The following CEP85 variants were observed in gnomAD, a reference collection of about 807,000 sequenced individuals.
CEP85 encodes centrosomal protein of 85 kDa.
In CEP85, 58 loss-of-function variants were observed where a neutral mutation model predicts 93.7. The observed-to-expected ratio is 0.62, with a 90% CI of 0.50 to 0.77. CEP85 has a LOEUF of 0.77. Among genes scored for constraint, CEP85 ranks in the 30% least tolerant of loss-of-function variants. CEP85 has a pLI of 0.00. For missense variants in CEP85, 868 were observed against 922.0 expected (o/e 0.94, Z 0.76); for synonymous variants, 314 against 338.6 (o/e 0.93, Z 0.80).
chr1:26,249,953 A>G (rs114432336), intron 3 of CEP85, among the ~76,000 whole-genome samples: 2,097 of 152,242 alleles, frequency 0.014, 48 homozygotes, highest in African/African-American at 0.048. Flanking sequence ...ATCATAGTGT[A>G]CTATAGCCAT....
At chr1:26,244,665 T>G (rs1235893873) in intron 3 of CEP85, among the ~76,000 whole-genome samples, 1 of 152,040 alleles carries the variant, frequency 6.6e-6, no homozygotes, top group Non-Finnish European at 1.5e-5. Context: ...AGACTGCAGG[T>G]ATGCACCACC....
intron 2 of CEP85, among the ~76,000 whole-genome samples, chr1:26,240,175 T>G (rs1351334947): frequency 2.6e-5 from 4 of 152,186 alleles, no homozygotes; most frequent in Non-Finnish European, 5.9e-5. Flanking sequence ...GGTGGGTCAG[T>G]CATCTGCTAG....
chr1:26,240,397 A>G (rs2089403171), intron 2 of CEP85, among the ~76,000 whole-genome samples: 1 of 152,182 alleles, frequency 6.6e-6, no homozygotes, highest in Non-Finnish European at 1.5e-5. Flanking sequence ...CTGATATAAA[A>G]TGGTGTGGTA....
chr1:26,262,485 AAAAAC>A (rs1016028575), intron 7 of CEP85, among the ~76,000 whole-genome samples: 18 of 152,024 alleles, frequency 1.2e-4, no homozygotes, highest in African/African-American at 9.7e-5. Flanking sequence ...CTGTCTCAAA[AAAAAC>A]AAAACAAAAC....
intron 6 of CEP85, among the ~76,000 whole-genome samples, chr1:26,258,627 T>A (rs2089757951): frequency 6.6e-6 from 1 of 151,856 alleles, no homozygotes; most frequent in Admixed American, 6.6e-5. Flanking sequence ...TTTTTTCCCC[T>A]GCTCTGTCAC....
intron 8 of CEP85, chr1:26,269,245 G>A (rs550529974): frequency 2.3e-5 from 13 of 554,476 alleles, no homozygotes; most frequent in East Asian, 6.1e-5. Context: ...GACTACCTGC[G>A]TCAGAAATAA....
chr1:26,248,917 G>A (rs934975113), intron 3 of CEP85, among the ~76,000 whole-genome samples: 6 of 151,762 alleles, frequency 4.0e-5, no homozygotes, highest in South Asian at 2.1e-4. Context: ...TAGTAGAGAC[G>A]GGGTTTCACC....
chr1:26,275,231 T>C (rs1296674371), intron 12 of CEP85, among the ~76,000 whole-genome samples, 160 bp downstream of exon 12: 1 of 151,922 alleles, frequency 6.6e-6, no homozygotes, highest in Non-Finnish European at 1.5e-5. Context: ...TCATTCTTTA[T>C]ATTACAGACC....
At chr1:26,239,710 G>A (rs986516915) in intron 1 of CEP85, 52 bp from the exon 2 acceptor site, 20 of 1,096,882 alleles carry the variant, frequency 1.8e-5, no homozygotes, top group African/African-American at 6.2e-5. Flanking sequence ...ACTGAGTTGC[G>A]GGGAATTAAA....
At chr1:26,259,588 C>CAGTT in intron 6 of CEP85, 29 bp from the exon 7 acceptor site, 1 of 1,575,858 alleles carries the variant, frequency 6.3e-7, no homozygotes, top group Non-Finnish European at 8.6e-7. Flanking sequence ...GGGTAGAGAA[C>CAGTT]AGTTACATAT....
chr1:26,272,909 G>A (rs1244075976), intron 11 of CEP85, among the ~76,000 whole-genome samples: 2 of 152,088 alleles, frequency 1.3e-5, no homozygotes, highest in Non-Finnish European at 2.9e-5. Flanking sequence ...GATTACAGGC[G>A]TGAGCCATCA....
At chr1:26,246,653 C>T (rs368815880) in intron 3 of CEP85, among the ~76,000 whole-genome samples, 5 of 151,542 alleles carry the variant, frequency 3.3e-5, no homozygotes, top group African/African-American at 7.3e-5. Flanking sequence ...TGCTTGAACC[C>T]GGGAGGCAGA....
intron 7 of CEP85, among the ~76,000 whole-genome samples, chr1:26,267,781 C>T (rs1361971468): frequency 6.6e-6 from 1 of 152,182 alleles, no homozygotes; most frequent in African/African-American, 2.4e-5. Context: ...TGAACTCAAT[C>T]ACCCGTCCCT....
chr1:26,262,557 CAAAG>C (rs1042426096), intron 7 of CEP85, among the ~76,000 whole-genome samples: 1 of 152,004 alleles, frequency 6.6e-6, no homozygotes, highest in African/African-American at 2.4e-5. Context: ...TCCTCGCTGA[CAAAG>C]AAATGACACT....
At chr1:26,266,631 A>G (rs1163709327) in intron 7 of CEP85, among the ~76,000 whole-genome samples, 1 of 152,238 alleles carries the variant, frequency 6.6e-6, no homozygotes, top group Non-Finnish European at 1.5e-5. Context: ...GCTGATTTTC[A>G]GGGATCTTTC....
intron 8 of CEP85, chr1:26,269,222 A>C: frequency 1.9e-6 from 1 of 514,806 alleles, no homozygotes; most frequent in Non-Finnish European, 3.5e-6. Context: ...TAGGGGAACG[A>C]CATAGCAGTA....
chr1:26,271,102 C>A lies in CEP85; in HGVS notation c.1738C>A (p.Gln580Lys), dbSNP rs1048554915. Residue 580 changes from glutamine (Q) to lysine (K), a missense_variant, in exon 10 of 14, where the codon CAA becomes AAA. Gln to Lys is a moderately conservative substitution (Grantham distance 53). Coordinates refer to ENST00000451429, the MANE Select transcript of CEP85 (RefSeq NM_001319944.2). ...CTGGCAGAAGCGATACGATTCGCTC[C>A]AAAAGGTGACTGAGGGTGTCCAGGC... Reference protein sequence around the residue: ...ESWQKRYDSLQKIVEKQQQKM... With the variant: ...ESWQKRYDSLKKIVEKQQQKM... 1.4e-5 allele frequency: 23 copies of A among 1,604,194 alleles called. No individual in the cohort carries two copies. The highest frequency in any genetic ancestry group is 1.9e-5 in the Non-Finnish European group (22 of 1,171,210).
intron 7 of CEP85, among the ~76,000 whole-genome samples, chr1:26,267,008 T>TG (rs1399725572): frequency 6.6e-6 from 1 of 152,224 alleles, no homozygotes; most frequent in Non-Finnish European, 1.5e-5. Flanking sequence ...CAGAAAGTTA[T>TG]GTATACTTCT....
At chr1:26,245,678 T>C (rs1382695545) in intron 3 of CEP85, among the ~76,000 whole-genome samples, 1 of 152,186 alleles carries the variant, frequency 6.6e-6, no homozygotes, top group African/African-American at 2.4e-5. Flanking sequence ...TTGTGATAGA[T>C]ACTATAAATT....
Sources: allele counts gnomAD v4.1 joint callset (sites outside exome capture counted in the v4.1 genomes callset), GRCh38; gene constraint gnomAD v4.1.1; transcripts MANE v1.5; gene names NCBI Gene and HGNC (gene_info 2026-07-23, HGNC 2026-07-21).